SEMG2: variants seen among roughly 807,000 people sequenced by gnomAD.
SEMG2 encodes the protein semenogelin 2.
A neutral mutation model predicts 8.1 loss-of-function variants in SEMG2; 3 were observed. The ratio of observed to expected loss-of-function variants is 0.37; its 90% confidence interval spans 0.17 to 0.96. The LOEUF (loss-of-function observed/expected upper bound fraction) is 0.96. SEMG2 is among the 40% of genes least tolerant of loss of function. The pLI, the probability that SEMG2 is intolerant of heterozygous loss-of-function variation, is 0.41. For missense variants in SEMG2, 726 were observed against 671.2 expected, an observed-to-expected ratio of 1.08 and a Z score of -0.90; for synonymous variants, 252 against 231.4, an observed-to-expected ratio of 1.09 and a Z score of -0.81.
Position 45,221,475 on chromosome 20 carries a change from G to C in SEMG2, c.76+10G>C. ...GTGATGGGACAAAAAGGTGAGTGGA[G>C]AGGGTAAGCCTTGGGGAAAGCTACT... is the stretch of plus-strand genomic sequence containing the variant. On this transcript the variant is annotated intron_variant, in intron 1 of 2. Transcript: ENST00000372769. 1 of 1,614,114 alleles carries C rather than the reference G, an allele frequency of 6.2e-7. No individual in the cohort carries two copies. The highest frequency in any genetic ancestry group is 8.5e-7 in the Non-Finnish European group (1 of 1,179,986).
In SEMG2 at chr20:45,222,868, T is replaced by C; in HGVS notation, c.1236T>C (p.Ser412=). The C allele has an allele frequency of 1.2e-6, 2 of 1,613,352 alleles. No homozygotes were observed. Among genetic ancestry groups the C allele is most frequent in the Non-Finnish European group, 1.7e-6 (2 of 1,179,888 alleles). Residue 412 remains serine (S), a synonymous_variant, in exon 2 of 3, where the codon AGT becomes AGC. Transcript: ENST00000372769. The stretch of plus-strand genomic sequence containing the variant: ...ATAAAATATCATACCAATCTTCGAG[T>C]ACAGAAGAAAGACGTCTCAACAGTG... ...KENKISYQSS[S]TEERRLNSGE...
rs1212358629 is a variant in SEMG2, at chr20:45,222,998, G to GATCA, written c.1368_1371dup (p.Glu458SerfsTer6). ...AAACCAGGTAACAATTCCTAGTCAA[G>GATCA]ATCAAGAGCATGGCCATAAGGAAAA... On this transcript the variant is annotated frameshift_variant, in exon 2 of 3. Coordinates refer to ENST00000372769, the MANE Select transcript of SEMG2 (RefSeq NM_003008.3). LOFTEE classifies it low-confidence loss of function (END_TRUNC). The GATCA allele has an allele frequency of 6.2e-7, 1 of 1,614,132 alleles. No individual in the cohort carries two copies. Among genetic ancestry groups the GATCA allele is most frequent in the African/African-American group, 1.3e-5 (1 of 75,054 alleles).
At chr20:45,221,639 G>A in intron 1 of SEMG2, 70 bp from the exon 2 acceptor site, 6 of 1,429,106 alleles carry the variant, frequency 4.2e-6, no homozygotes, top group Admixed American at 2.1e-5. Context: ...GTTGGGAAAA[G>A]GTGGGAGGTA....
intron 1 of SEMG2, 108 bp from the exon 2 acceptor site, chr20:45,221,601 T>C (rs2145590920): frequency 7.2e-7 from 1 of 1,385,972 alleles, no homozygotes; most frequent in South Asian, 1.3e-5. Flanking sequence ...CACCCAACGC[T>C]GTAGGCTTTT....
chr20:45,222,711 G>C lies in SEMG2; in HGVS notation c.1079G>C (p.Cys360Ser). The change falls in exon 2 of 3, where the codon TGT (cysteine) becomes TCT (serine). Residue 360 changes from cysteine (C) to serine (S), a missense_variant. Cys to Ser is a moderately radical substitution (Grantham distance 112). Transcript: ENST00000372769. ...AGTACAGAAGAAAGACATCTCAACT[G>C]TGGAGAAAAGGGCATCCAGAAAGGT... ...SSSTEERHLN[C>S]GEKGIQKGVS... 6.2e-7 allele frequency: 1 copy of C among 1,612,404 alleles called. No homozygotes were observed. Among genetic ancestry groups the C allele is most frequent in the Non-Finnish European group, 8.5e-7 (1 of 1,179,614 alleles).
intron 1 of SEMG2, 119 bp from the exon 2 acceptor site, chr20:45,221,590 C>T (rs1984013410): frequency 2.2e-6 from 3 of 1,388,698 alleles, no homozygotes; most frequent in South Asian, 1.3e-5. Context: ...TGATTTTTCT[C>T]CACCCAACGC....
chr20:45,221,513 C>T (rs767530484), intron 1 of SEMG2, 48 bp downstream of exon 1: 15 of 1,602,238 alleles, frequency 9.4e-6, no homozygotes, highest in Non-Finnish European at 1.2e-5. Flanking sequence ...AAAAAAATGG[C>T]CTCTAAGGAT....
Position 45,222,169 on chromosome 20 carries a change from T to TG in SEMG2, c.539dup (p.Ala181CysfsTer5), listed in dbSNP as rs1568840772. ...TAAGTAAAGAACAAGCTTCAGCCTCTGGTGCACAAAAAGGTAGAACACAAG... is the reference window on the plus strand; with the variant it reads ...TAAGTAAAGAACAAGCTTCAGCCTCTGGGTGCACAAAAAGGTAGAACACAAG... On this transcript the variant is annotated frameshift_variant, in exon 2 of 3. Coordinates refer to ENST00000372769, the MANE Select transcript of SEMG2 (RefSeq NM_003008.3). LOFTEE classifies it low-confidence loss of function (END_TRUNC). 6.2e-6 allele frequency: 10 copies of TG among 1,614,190 alleles called. No individual in the cohort carries two copies. Among genetic ancestry groups the TG allele is most frequent in the Non-Finnish European group, 8.5e-6 (10 of 1,180,010 alleles).
intron 2 of SEMG2, among the ~76,000 whole-genome samples, chr20:45,223,997 G>A (rs1984085466): frequency 6.6e-6 from 1 of 152,180 alleles, no homozygotes; most frequent in Non-Finnish European, 1.5e-5. Context: ...TGGAGGTGCA[G>A]GAGATGCTGA....
rs930480645 is a variant in SEMG2 at position 45,223,373 on chromosome 20, T to G, written c.1741T>G (p.Ser581Ala). Residue 581 changes from serine (S) to alanine (A), a missense_variant, in exon 2 of 3, where the codon TCT becomes GCT. Ser to Ala is a moderately conservative substitution (Grantham distance 99). Coordinates refer to ENST00000372769, the MANE Select transcript of SEMG2 (RefSeq NM_003008.3). ...ATATAATGAAGACAGAAATCCAATA[T>G]CTACATAGCCCTGTTGCTTAGCAAC... is the stretch of plus-strand genomic sequence containing the variant. ...QQYNEDRNPI[S>A]T is the part of the protein sequence containing the mutation. 5.0e-6 allele frequency: 8 copies of G among 1,608,850 alleles called. No individual in the cohort carries two copies. In the South Asian group the frequency reaches 6.6e-5, roughly 13 times the overall value.
rs2145591445 is a variant in SEMG2 at position 45,222,154 on chromosome 20, A to G, written c.522A>G (p.Glu174=). The change falls in exon 2 of 3, where the codon GAA becomes GAG. Residue 174 remains glutamate (E), a synonymous_variant. Transcript: ENST00000372769. The part of the protein sequence containing the change: ...KRLWVHGLSK[E]QASASGAQKG... Reference sequence around the variant, plus strand: ...TATGGGTTCATGGACTAAGTAAAGAACAAGCTTCAGCCTCTGGTGCACAAA... The same window carrying G: ...TATGGGTTCATGGACTAAGTAAAGAGCAAGCTTCAGCCTCTGGTGCACAAA... The G allele has an allele frequency of 1.9e-6, 3 of 1,614,180 alleles. No homozygotes were observed. Among genetic ancestry groups the G allele is most frequent in the Non-Finnish European group, 2.5e-6 (3 of 1,180,008 alleles).
rs772232818 is a variant in SEMG2 at position 45,222,670 on chromosome 20, A to T, written c.1038A>T (p.Ile346=). The change falls in exon 2 of 3, where the codon ATA becomes ATT. Residue 346 remains isoleucine, a synonymous_variant. Coordinates refer to ENST00000372769, the MANE Select transcript of SEMG2 (RefSeq NM_003008.3). ...AGCATGGCCATAAGGAAAATAAAAT[A>T]TCATACCAATCTTCAAGTACAGAAG... ...DQEHGHKENK[I]SYQSSSTEER... is the part of the protein sequence containing the mutation. The T allele has an allele frequency of 2.5e-6, 4 of 1,610,732 alleles. No homozygotes were observed. The highest frequency in any genetic ancestry group is 2.5e-6 in the Non-Finnish European group (3 of 1,178,874).
At position 45,223,096 on chromosome 20, in the gene SEMG2, T is replaced by C. The variant is rs143954565; in HGVS notation, c.1464T>C (p.Asp488=). Residue 488 remains aspartate (D), a synonymous_variant, in exon 2 of 3, where the codon GAT becomes GAC. Transcript: ENST00000372769. ...ATGGAGGAAAGAGCACGCAGAAAGA[T>C]GTATCCCAAAGCAGTATTTCTTTCC... ...LNYGGKSTQK[D]VSQSSISFQI... is the part of the protein sequence containing the mutation. 1 of 1,614,164 alleles carries C rather than the reference T, an allele frequency of 6.2e-7. No individual in the cohort carries two copies. Among genetic ancestry groups the C allele is most frequent in the South Asian group, 1.1e-5 (1 of 91,074 alleles).
chr20:45,221,544 C>A (rs1464075067), intron 1 of SEMG2, 79 bp downstream of exon 1: 1 of 1,511,258 alleles, frequency 6.6e-7, no homozygotes, highest in Non-Finnish European at 9.1e-7. Flanking sequence ...CAAACAGTAA[C>A]CTGTTCAGGC....
At chr20:45,221,658 A>C (rs1984014889) in intron 1 of SEMG2, 51 bp from the exon 2 acceptor site, 1 of 1,487,956 alleles carries the variant, frequency 6.7e-7, no homozygotes, top group Non-Finnish European at 9.1e-7. Context: ...TAAGAGTTGC[A>C]AGAGAGCTTT....
chr20:45,222,365 A>G lies in SEMG2; in HGVS notation c.733A>G (p.Arg245Gly), dbSNP rs183189983. Residue 245 changes from arginine (R) to glycine (G), a missense_variant, in exon 2 of 3, where the codon AGA becomes GGA. Coordinates refer to ENST00000372769, the MANE Select transcript of SEMG2 (RefSeq NM_003008.3). ...TTCACTCCATCCTGCACATCAAGAC[A>G]GACTCCAACATGGACCCAAAGACAT... ...QTSLHPAHQD[R>G]LQHGPKDIFT... 3.1e-6 allele frequency: 5 copies of G among 1,614,188 alleles called. No individual in the cohort carries two copies. Among genetic ancestry groups the G allele is most frequent in the Non-Finnish European group, 4.2e-6 (5 of 1,180,018 alleles).
chr20:45,222,554 G>A lies in SEMG2; in HGVS notation c.922G>A (p.Asp308Asn), dbSNP rs1485852777. 1 of 1,614,124 alleles carries A rather than the reference G, an allele frequency of 6.2e-7. No homozygotes were observed. Among genetic ancestry groups the A allele is most frequent in the Non-Finnish European group, 8.5e-7 (1 of 1,180,014 alleles). ...CCATGGAGAAAAGAGTGTACAGAAA[G>A]ATGTATCCAAAGGCAGCATTTCTAT... The part of the protein sequence containing the change: ...LHHGEKSVQK[D>N]VSKGSISIQT... The change falls in exon 2 of 3, where the codon GAT (aspartate) becomes AAT (asparagine). Residue 308 changes from aspartate (D) to asparagine (N), a missense_variant. Physicochemically the swap from Asp to Asn is conservative, Grantham distance 23. Transcript: ENST00000372769.
Position 45,222,550 on chromosome 20 carries a change from G to A in SEMG2, c.918G>A (p.Gln306=). Residue 306 remains glutamine (Q), a synonymous_variant, in exon 2 of 3, where the codon CAG becomes CAA. Transcript: ENST00000372769. ...RQLHHGEKSV[Q]KDVSKGSISI... ...TTCACCATGGAGAAAAGAGTGTACA[G>A]AAAGATGTATCCAAAGGCAGCATTT... 1 of 1,614,096 alleles carries A rather than the reference G, an allele frequency of 6.2e-7. No homozygotes were observed.
chr20:45,221,622 G>T (rs1984014043), intron 1 of SEMG2, 87 bp from the exon 2 acceptor site: 1 of 1,410,534 alleles, frequency 7.1e-7, no homozygotes, highest in Non-Finnish European at 9.7e-7. Context: ...GGAAATATCA[G>T]AAATTTGTTG....
Sources: allele counts gnomAD v4.1 joint callset (sites outside exome capture counted in the v4.1 genomes callset), GRCh38; gene constraint gnomAD v4.1.1; transcripts MANE v1.5; gene names NCBI Gene and HGNC (gene_info 2026-07-23, HGNC 2026-07-21).